PM20D2: variants seen among roughly 807,000 people sequenced by gnomAD.
The protein encoded by PM20D2 is peptidase M20 domain containing 2.
In PM20D2, 33 loss-of-function variants were observed where a neutral mutation model predicts 42.9. That is an observed-to-expected ratio of 0.77 (90% CI 0.58 to 1.03). PM20D2 has a LOEUF of 1.03. Ranked by LOEUF, PM20D2 falls within the 50% of genes least tolerant of loss-of-function variation. The pLI, the probability that PM20D2 is intolerant of heterozygous loss-of-function variation, is 0.00. For synonymous variants in PM20D2, 250 were observed against 228.2 expected, an observed-to-expected ratio of 1.10 and a Z score of -0.86; for missense variants, 548 against 557.0, an observed-to-expected ratio of 0.98 and a Z score of 0.16.
intron 6 of PM20D2, 101 bp downstream of exon 6, chr6:89,161,991 A>G: frequency 6.8e-7 from 1 of 1,475,932 alleles, no homozygotes; most frequent in Non-Finnish European, 9.4e-7. Context: ...ACATCACCTC[A>G]GTAAATACTG....
At chr6:89,105,412 T>C in the PM20D2 span, 1 of 1,585,654 alleles carries the variant, frequency 6.3e-7, no homozygotes, top group African/African-American at 1.4e-5. Flanking sequence ...AAATCTAGCA[T>C]TCAGTCACAC....
the PM20D2 span, chr6:89,106,748 G>C: frequency 3.0e-6 from 1 of 332,560 alleles, no homozygotes; most frequent in Non-Finnish European, 6.0e-6. Context: ...CTTTATAAGA[G>C]ACGCAGAACC....
At chr6:89,154,936 T>TCATATACATATACA in intron 4 of PM20D2, 34 bp downstream of exon 4, 1 of 1,533,440 alleles carries the variant, frequency 6.5e-7, no homozygotes, top group East Asian at 2.4e-5. Context: ...TAAGTTACAA[T>TCATATACATATACA]CAGAGGTATA....
chr6:89,102,225 CCT>C, the PM20D2 span, among the ~76,000 whole-genome samples: 1 of 151,916 alleles, frequency 6.6e-6, no homozygotes, highest in African/African-American at 2.4e-5. Context: ...CTCACTGCAA[CCT>C]CTGTCTCCCG....
the PM20D2 span, among the ~76,000 whole-genome samples, chr6:89,123,620 G>T: frequency 2.7e-5 from 4 of 150,528 alleles, no homozygotes; most frequent in Non-Finnish European, 5.9e-5. Flanking sequence ...TACTCAGGAG[G>T]CTGGAGCACA....
At chr6:89,125,718 C>T in the PM20D2 span, among the ~76,000 whole-genome samples, 3 of 149,278 alleles carry the variant, frequency 2.0e-5, no homozygotes, top group South Asian at 2.1e-4. Flanking sequence ...AGTAGGCGGA[C>T]GTTGCAGTGA....
chr6:89,107,255 A>G, the PM20D2 span: 4 of 1,611,602 alleles, frequency 2.5e-6, no homozygotes, highest in East Asian at 6.7e-5. Flanking sequence ...GCAAGTCCTC[A>G]GGCCTGAAGT....
chr6:89,146,070 C>A lies in PM20D2; in HGVS notation c.-75C>A. On this transcript the variant is annotated 5_prime_UTR_variant, in exon 1 of 7. Coordinates refer to ENST00000275072, the MANE Select transcript of PM20D2 (RefSeq NM_001010853.3). ...CGCCGGGGTCCTGGAGGCCTCTGGG[C>A]GCGTGCGCGGGCGGTCGCTACCTGC... The A allele has an allele frequency of 7.8e-7, 1 of 1,285,116 alleles. No individual in the cohort carries two copies. Among genetic ancestry groups the A allele is most frequent in the Non-Finnish European group, 1.0e-6 (1 of 998,632 alleles). The allele number at this position is 1,285,116 out of a possible 1,614,324, so 79.6% of individuals were successfully genotyped here.
rs1770980359 is a variant in PM20D2 at position 89,154,891 on chromosome 6, T to G, written c.901T>G (p.Ser301Ala). ...EDCFRAAALASGCTVEIKGGA... is the reference protein window; with the variant it reads ...EDCFRAAALAAGCTVEIKGGA... Reference sequence around the variant, plus strand: ...TTGCTTCAGAGCTGCAGCTTTGGCTTCAGGGTGCACAGTAAGAACTTTTAA... The same window carrying G: ...TTGCTTCAGAGCTGCAGCTTTGGCTGCAGGGTGCACAGTAAGAACTTTTAA... Residue 301 changes from serine (S) to alanine (A), a missense_variant, in exon 4 of 7, where the codon TCA becomes GCA. Transcript: ENST00000275072. 6.3e-7 allele frequency: 1 copy of G among 1,598,784 alleles called. No homozygotes were observed. Among genetic ancestry groups the G allele is most frequent in the South Asian group, 1.1e-5 (1 of 88,122 alleles).
intron 2 of PM20D2, among the ~76,000 whole-genome samples, chr6:89,151,789 T>C (rs1309079760): frequency 6.6e-6 from 1 of 152,120 alleles, no homozygotes; most frequent in East Asian, 1.9e-4. Context: ...TCACCAGTTG[T>C]GATGAAATTC....
chr6:89,130,038 TCTC>T, the PM20D2 span, among the ~76,000 whole-genome samples: 5 of 132,008 alleles, frequency 3.8e-5, no homozygotes, highest in Admixed American at 3.1e-4. Context: ...GCCTGGCTCT[TCTC>T]TTCTAAATTA....
the PM20D2 span, among the ~76,000 whole-genome samples, chr6:89,113,048 T>C: frequency 5.0e-4 from 76 of 152,346 alleles, no homozygotes; most frequent in Middle Eastern, 3.4e-3. Context: ...AGGTTTGGGT[T>C]TGTACAACAA....
chr6:89,104,223 C>T, the PM20D2 span, among the ~76,000 whole-genome samples: 11 of 123,548 alleles, frequency 8.9e-5, no homozygotes, highest in Non-Finnish European at 1.5e-4. Context: ...AACTCATCAC[C>T]TTTTTTTTTT....
chr6:89,162,418 C>G lies in PM20D2; in HGVS notation c.*155C>G. ...GGTGTGGAGAAAACATATTAATTACCTCATATCTAAAGTGAAAATTTTTGC... is the reference window on the plus strand; with the variant it reads ...GGTGTGGAGAAAACATATTAATTACGTCATATCTAAAGTGAAAATTTTTGC... On this transcript the variant is annotated 3_prime_UTR_variant, in exon 7 of 7. Transcript: ENST00000275072. 1 of 769,508 alleles carries G rather than the reference C, an allele frequency of 1.3e-6. No individual in the cohort carries two copies. Among genetic ancestry groups the G allele is most frequent in the Non-Finnish European group, 1.9e-6 (1 of 513,828 alleles). The allele number at this position is 769,508 out of a possible 1,614,324, so 47.7% of individuals were successfully genotyped here.
At chr6:89,151,617 G>C (rs1236954946) in intron 2 of PM20D2, among the ~76,000 whole-genome samples, 1 of 152,206 alleles carries the variant, frequency 6.6e-6, no homozygotes, top group Non-Finnish European at 1.5e-5. Flanking sequence ...CCTTTTCAGA[G>C]TGTTTTTGGT....
the PM20D2 span, chr6:89,107,400 G>A: frequency 1.6e-6 from 1 of 643,992 alleles, no homozygotes; most frequent in East Asian, 2.8e-5. Flanking sequence ...TAAGAATCAT[G>A]CAAGGTTTTG....
the PM20D2 span, among the ~76,000 whole-genome samples, chr6:89,129,976 T>G: frequency 6.6e-6 from 1 of 152,078 alleles, no homozygotes; most frequent in Non-Finnish European, 1.5e-5. Context: ...GCTCAAGCAG[T>G]CCTCTTGCCT....
the PM20D2 span, among the ~76,000 whole-genome samples, chr6:89,099,620 C>A: frequency 2.0e-5 from 3 of 150,724 alleles, no homozygotes; most frequent in East Asian, 5.9e-4. Context: ...ACCGCAACCT[C>A]CGCCTCCCAG....
chr6:89,096,613 TAA>T, the PM20D2 span: 1 of 152,038 alleles, frequency 6.6e-6, no homozygotes. Flanking sequence ...GAATACAGAG[TAA>T]AGATACTATA....
Sources: allele counts gnomAD v4.1 joint callset (sites outside exome capture counted in the v4.1 genomes callset), GRCh38; gene constraint gnomAD v4.1.1; transcripts MANE v1.5; gene names NCBI Gene and HGNC (gene_info 2026-07-23, HGNC 2026-07-21).